BACE2: variants seen among roughly 807,000 people sequenced by gnomAD.
BACE2 encodes beta-secretase 2, also known as 56 kDa aspartic-like protease.
A neutral mutation model predicts 46.2 loss-of-function variants in BACE2; 17 were observed. The ratio of observed to expected loss-of-function variants is 0.37; its 90% CI spans 0.25 to 0.55. The LOEUF (loss-of-function observed/expected upper bound fraction) is 0.55. BACE2 is among the 20% of genes least tolerant of loss of function. The probability of loss-of-function intolerance (pLI) is 0.82; values close to 1 mark genes in which losing one functional copy is unlikely to be tolerated. For missense variants in BACE2, 595 were observed against 698.1 expected (o/e 0.85, Z 1.66); for synonymous variants, 277 against 295.9 (o/e 0.94, Z 0.66).
In BACE2 at chr21:41,168,533, C is replaced by T. The variant is rs568337870; in HGVS notation, c.270C>T (p.Arg90=). The T allele has an allele frequency of 1.5e-6, 2 of 1,345,496 alleles. No individual in the cohort carries two copies. The highest frequency in any genetic ancestry group is 2.8e-5 in the East Asian group (1 of 35,874). The allele number at this position is 1,345,496 out of a possible 1,614,324, so 83.3% of individuals were successfully genotyped here. The change falls in exon 1 of 9, where the codon CGC becomes CGT. Residue 90 remains arginine, a synonymous_variant. Transcript: ENST00000330333. ...ACAACCTGCAGGGGGACTCTGGCCG[C>T]GGCTACTACCTGGAGATGCTGATCG... The part of the protein sequence containing the change: ...MVDNLQGDSG[R]GYYLEMLIGT...
At chr21:41,232,842 A>G (rs1471201095) in intron 2 of BACE2, among the ~76,000 whole-genome samples, 1 of 151,780 alleles carries the variant, frequency 6.6e-6, no homozygotes, top group Non-Finnish European at 1.5e-5. Context: ...CTTTATAGCA[A>G]TGCAAACATG....
chr21:41,240,883 T>C (rs1987266127), intron 3 of BACE2, among the ~76,000 whole-genome samples: 1 of 152,204 alleles, frequency 6.6e-6, no homozygotes, highest in African/African-American at 2.4e-5. Context: ...GGAATCACAG[T>C]TTTAGTTCTC....
intron 5 of BACE2, among the ~76,000 whole-genome samples, chr21:41,244,884 T>TGTGA (rs1555856483): frequency 4.0e-5 from 6 of 150,650 alleles, no homozygotes; most frequent in Admixed American, 2.0e-4. Flanking sequence ...TGTGTGTGAG[T>TGTGA]GTGTGTGTAT....
At chr21:41,273,019 G>A (rs550623984) in intron 8 of BACE2, among the ~76,000 whole-genome samples, 1 of 152,170 alleles carries the variant, frequency 6.6e-6, no homozygotes, top group Non-Finnish European at 1.5e-5. Flanking sequence ...GGTGTCCAGG[G>A]AAGACATCAC....
chr21:41,261,995 T>G (rs1426834464), intron 8 of BACE2, among the ~76,000 whole-genome samples: 2 of 152,122 alleles, frequency 1.3e-5, no homozygotes, highest in Non-Finnish European at 2.9e-5. Context: ...CCTAAATATT[T>G]CATTATGCAT....
intron 8 of BACE2, among the ~76,000 whole-genome samples, chr21:41,262,654 G>C (rs1453259330): frequency 6.6e-6 from 1 of 152,060 alleles, no homozygotes; most frequent in African/African-American, 2.4e-5. Context: ...GAATGTACCA[G>C]ATCTTTTCAT....
At chr21:41,245,790 A>C (rs957397631) in intron 5 of BACE2, among the ~76,000 whole-genome samples, 172 bp from the exon 6 acceptor site, 1 of 152,194 alleles carries the variant, frequency 6.6e-6, no homozygotes, top group Non-Finnish European at 1.5e-5. Flanking sequence ...TTGGGTTGGA[A>C]GACCCCTGGT....
At position 41,200,718 on chromosome 21, in the gene BACE2, G is replaced by A. The variant is rs566398606; in HGVS notation, c.313-25548G>A. 2.0e-5 allele frequency among the ~76,000 whole-genome samples: 3 copies of A among 152,276 alleles called. No homozygotes were observed. The South Asian group carries it at 6.2e-4, about 32-fold the overall frequency. ...CAGTCTGACAAGTGTCCTTATATAGGACATGCAGAGAGACACCAGGGATGT... is the reference window on the plus strand; with the variant it reads ...CAGTCTGACAAGTGTCCTTATATAGAACATGCAGAGAGACACCAGGGATGT... On this transcript the variant is annotated intron_variant, in intron 1 of 8. Coordinates refer to ENST00000330333, the MANE Select transcript of BACE2 (RefSeq NM_012105.5).
At position 41,237,491 on chromosome 21, in the gene BACE2, T is replaced by C. The variant is rs763160373; in HGVS notation, c.402-22T>C. Reference sequence around the variant, plus strand: ...AAAATAAAATAAAATGAATACAATATGCTTTTCTTTTCTTTCTCCAGGTCT... The same window carrying C: ...AAAATAAAATAAAATGAATACAATACGCTTTTCTTTTCTTTCTCCAGGTCT... On this transcript the variant is annotated intron_variant, in intron 2 of 8. Coordinates refer to ENST00000330333, the MANE Select transcript of BACE2 (RefSeq NM_012105.5). 6 of 1,511,016 alleles carry C rather than the reference T, an allele frequency of 4.0e-6. No individual in the cohort carries two copies. The East Asian group carries it at 9.1e-5, about 23-fold the overall frequency. 93.6% of individuals were successfully genotyped at this position (1,511,016 alleles called of 1,614,324 possible).
intron 3 of BACE2, among the ~76,000 whole-genome samples, chr21:41,240,894 A>G (rs1987267012): frequency 6.6e-6 from 1 of 152,182 alleles, no homozygotes; most frequent in African/African-American, 2.4e-5. Flanking sequence ...TTTAGTTCTC[A>G]CGGATAGTAA....
chr21:41,213,998 C>G (rs1377417382), intron 1 of BACE2, among the ~76,000 whole-genome samples: 4 of 152,182 alleles, frequency 2.6e-5, no homozygotes, highest in Non-Finnish European at 5.9e-5. Flanking sequence ...AGTTTTCACA[C>G]CTTGCTGGCT....
At chr21:41,212,010 C>T (rs1361350076) in intron 1 of BACE2, among the ~76,000 whole-genome samples, 2 of 152,232 alleles carry the variant, frequency 1.3e-5, no homozygotes, top group Non-Finnish European at 2.9e-5. Context: ...TTAGCTTTCT[C>T]GACCACTGTT....
chr21:41,232,369 GA>G (rs1224726494), intron 2 of BACE2, among the ~76,000 whole-genome samples: 1 of 152,176 alleles, frequency 6.6e-6, no homozygotes, highest in Non-Finnish European at 1.5e-5. Context: ...TTGGACTTTA[GA>G]ATGAGACAGC....
chr21:41,228,797 A>G (rs1411943258), intron 2 of BACE2, among the ~76,000 whole-genome samples: 4 of 152,210 alleles, frequency 2.6e-5, no homozygotes, highest in Non-Finnish European at 4.4e-5. Context: ...TGCTGATGTG[A>G]TTTTCCAGAA....
chr21:41,183,025 A>G (rs753050456), intron 1 of BACE2: 5 of 166,798 alleles, frequency 3.0e-5, no homozygotes, highest in Non-Finnish European at 5.9e-5. Flanking sequence ...CATTTTATGG[A>G]AACCTAGGAA....
chr21:41,273,044 G>A (rs900941453), intron 8 of BACE2, among the ~76,000 whole-genome samples: 13 of 152,164 alleles, frequency 8.5e-5, no homozygotes, highest in African/African-American at 2.2e-4. Context: ...CGGCAGGTTC[G>A]TGATGCCCCC....
At chr21:41,189,616 G>A (rs973792422) in intron 1 of BACE2, among the ~76,000 whole-genome samples, 1 of 152,128 alleles carries the variant, frequency 6.6e-6, no homozygotes, top group Admixed American at 6.5e-5. Flanking sequence ...CATGCTAGAG[G>A]CTTTCCTCAC....
intron 6 of BACE2, 58 bp from the exon 7 acceptor site, chr21:41,250,694 G>C: frequency 1.9e-6 from 3 of 1,566,598 alleles, no homozygotes; most frequent in Non-Finnish European, 2.6e-6. Flanking sequence ...GCCTGGAGCT[G>C]TTTCCTGTTG....
chr21:41,226,204 G>A lies in BACE2; in HGVS notation c.313-62G>A, dbSNP rs1329330919. The A allele has an allele frequency of 7.8e-6, 10 of 1,279,588 alleles. No homozygotes were observed. The East Asian group carries it at 1.8e-4, about 24-fold the overall frequency. 79.3% of individuals were successfully genotyped at this position (1,279,588 alleles called of 1,614,324 possible). A position where few individuals can be genotyped will look rare whatever the true frequency, so the allele number is the denominator to read the frequency against. ...TTAGTTTTAAAAACATTATTCAAGAGTATTGCCTTATTAAAATAACTTGAT... is the reference window on the plus strand; with the variant it reads ...TTAGTTTTAAAAACATTATTCAAGAATATTGCCTTATTAAAATAACTTGAT... On this transcript the variant is annotated intron_variant, in intron 1 of 8. Transcript: ENST00000330333.
Sources: gnomAD v4.1 joint callset for allele counts (sites outside exome capture counted in the v4.1 genomes callset) on GRCh38, gnomAD v4.1.1 for gene constraint, MANE v1.5 for transcripts, NCBI Gene and HGNC (gene_info 2026-07-23, HGNC 2026-07-21) for gene names.